The following GNA11 variants were observed in gnomAD, a reference collection of about 807,000 sequenced individuals.
The protein encoded by GNA11 is guanine nucleotide-binding protein subunit alpha-11.
Under a neutral mutation model 38.2 loss-of-function variants are expected in GNA11, and 8 were observed. The observed-to-expected ratio is 0.21, with a 90% CI of 0.12 to 0.38. The LOEUF (loss-of-function observed/expected upper bound fraction) is 0.38, where lower values mean the gene tolerates loss of function less well. Among genes scored for constraint, GNA11 ranks in the 10% least tolerant of loss-of-function variants. The pLI is 1.00. For missense variants in GNA11, 268 were observed against 516.3 expected, an observed-to-expected ratio of 0.52 and a Z score of 4.66; for synonymous variants, 211 against 221.4, an observed-to-expected ratio of 0.95 and a Z score of 0.42.
At chr19:3,105,392 TG>T (rs1202340913) in intron 1 of GNA11, among the ~76,000 whole-genome samples, 1 of 34,568 alleles carries the variant, frequency 2.9e-5, no homozygotes, top group Non-Finnish European at 5.5e-5. Flanking sequence ...TCTGTGGATT[TG>T]GGGGGTTGGG....
chr19:3,113,214 C>A, intron 2 of GNA11, 116 bp from the exon 3 acceptor site: 1 of 936,482 alleles, frequency 1.1e-6, no homozygotes, highest in Non-Finnish European at 1.7e-6. Flanking sequence ...CCTGACTGCA[C>A]AGCCTGCGGA....
At position 3,120,740 on chromosome 19, in the gene GNA11, G is replaced by T. The variant is rs976307072; in HGVS notation, c.890-249G>T. ...AGAGGGCTGAGCAGAGGGAGCAGCG[G>T]TGGGTGCAGAGCCCCAGGTTGGAGG... On this transcript the variant is annotated intron_variant, in intron 6 of 6. Transcript: ENST00000078429. This position sits in a 1 kb window ranked among gnomAD's most constrained non-coding sequence, Gnocchi z 5.9. Among the ~76,000 whole-genome samples the T allele has an allele frequency of 6.6e-6, 1 of 152,156 alleles. No homozygotes were observed. Among genetic ancestry groups the T allele is most frequent in the African/African-American group, 2.4e-5 (1 of 41,432 alleles).
At chr19:3,106,489 AG>A (rs1302331194) in intron 1 of GNA11, among the ~76,000 whole-genome samples, 1 of 152,190 alleles carries the variant, frequency 6.6e-6, no homozygotes, top group Non-Finnish European at 1.5e-5. Context: ...CCAGCACCTC[AG>A]GGCCACCAGA....
intron 3 of GNA11, among the ~76,000 whole-genome samples, chr19:3,114,016 C>T (rs1227955113): frequency 1.3e-5 from 2 of 152,134 alleles, no homozygotes; most frequent in African/African-American, 2.4e-5. Flanking sequence ...GGTGGAGGCC[C>T]CCGCGTGGCA....
chr19:3,105,217 G>A (rs1468684276), intron 1 of GNA11, among the ~76,000 whole-genome samples: 3 of 151,194 alleles, frequency 2.0e-5, no homozygotes, highest in South Asian at 2.1e-4. Flanking sequence ...TTTCATGGCC[G>A]GACCCCTGGC....
chr19:3,111,880 C>G (rs1913783521), intron 2 of GNA11, among the ~76,000 whole-genome samples: 1 of 152,230 alleles, frequency 6.6e-6, no homozygotes, highest in Non-Finnish European at 1.5e-5. Flanking sequence ...AGGGGTAGGG[C>G]TCTTGCCCTT....
At chr19:3,095,753 C>T (rs1913347646) in intron 1 of GNA11, among the ~76,000 whole-genome samples, 1 of 152,002 alleles carries the variant, frequency 6.6e-6, no homozygotes, top group Non-Finnish European at 1.5e-5. Context: ...TCGGCAGCCT[C>T]CCCCGCCCCC....
intron 1 of GNA11, among the ~76,000 whole-genome samples, chr19:3,102,044 C>A (rs142491916): frequency 6.6e-6 from 1 of 151,840 alleles, no homozygotes; most frequent in African/African-American, 2.4e-5. Context: ...TGCAGTGAGC[C>A]GAGATTGCAC....
Position 3,094,604 on chromosome 19 carries a change from C to CCGGGGGG in GNA11, c.-44_-38dup. 1 of 984,960 alleles carries CCGGGGGG rather than the reference C, an allele frequency of 1.0e-6. No individual in the cohort carries two copies. Among genetic ancestry groups the CCGGGGGG allele is most frequent in the Non-Finnish European group, 1.2e-6 (1 of 808,424 alleles). 61.0% of individuals were successfully genotyped at this position (984,960 alleles called of 1,614,324 possible). ...GCTCCGGCCAGGGCCGGGCCGGGGG[C>CCGGGGGG]CGGGGGGCGGCGGCGGGCAGGCGGC... On this transcript the variant is annotated 5_prime_UTR_variant, in exon 1 of 7. Transcript: ENST00000078429. The surrounding 1 kb of genome is among the most constrained non-coding windows in gnomAD (Gnocchi z 6.0).
At chr19:3,105,893 T>C (rs890911346) in intron 1 of GNA11, among the ~76,000 whole-genome samples, 1 of 152,060 alleles carries the variant, frequency 6.6e-6, no homozygotes, top group African/African-American at 2.4e-5. Flanking sequence ...GCAGGTGCCC[T>C]GCAGTGGCCT....
chr19:3,095,988 T>C (rs897547767), intron 1 of GNA11, among the ~76,000 whole-genome samples: 1 of 152,112 alleles, frequency 6.6e-6, no homozygotes, highest in African/African-American at 2.4e-5. Flanking sequence ...GCCCCGCCCC[T>C]GCCCTCCCGA....
rs1162862765 is a variant in GNA11, at chr19:3,120,337, G to A, written c.890-652G>A. 6.6e-6 allele frequency among the ~76,000 whole-genome samples: 1 copy of A among 152,074 alleles called. No individual in the cohort carries two copies. The highest frequency in any genetic ancestry group is 1.5e-5 in the Non-Finnish European group (1 of 67,980). On this transcript the variant is annotated intron_variant, in intron 6 of 6. Coordinates refer to ENST00000078429, the MANE Select transcript of GNA11 (RefSeq NM_002067.5). The surrounding 1 kb of genome is among the most constrained non-coding windows in gnomAD (Gnocchi z 5.9). The stretch of plus-strand genomic sequence containing the variant: ...GCAGCCTGTCCTGTGGGCTCAGAGA[G>A]CCCTGGTGGGGGGAGGCCAAGGGAC...
Position 3,100,815 on chromosome 19 carries a change from C to T in GNA11, c.136+6028C>T, listed in dbSNP as rs73523920. On this transcript the variant is annotated intron_variant, in intron 1 of 6. Coordinates refer to ENST00000078429, the MANE Select transcript of GNA11 (RefSeq NM_002067.5). ...CCATCGGTCACGTGGGAAGGCTGTC[C>T]CTCCCCCTGTAGGATTGTGGAAGGA... is the stretch of plus-strand genomic sequence containing the variant. 7.7e-3 allele frequency among the ~76,000 whole-genome samples: 1,171 copies of T among 152,298 alleles called. 16 individuals carry two copies. Among genetic ancestry groups the T allele is most frequent in the African/African-American group, 0.027 (1,134 of 41,556 alleles).
chr19:3,118,967 A>G lies in GNA11; in HGVS notation c.649A>G (p.Ile217Val), dbSNP rs2145326082. The part of the protein sequence containing the change: ...GGQRSERRKW[I>V]HCFENVTSIM... ...CCAGCGGTCGGAGCGGAGGAAGTGG[A>G]TCCACTGCTTTGAGAACGTGACATC... Residue 217 changes from isoleucine to valine, a missense_variant, in exon 5 of 7, where the codon ATC becomes GTC. Ile to Val is a conservative substitution (Grantham distance 29). This residue lies in a region of GNA11 where 25 missense variants were observed against 95.6 expected (regional missense o/e 0.26). Transcript: ENST00000078429. The G allele has an allele frequency of 1.2e-6, 2 of 1,613,194 alleles. No homozygotes were observed. Among genetic ancestry groups the G allele is most frequent in the Non-Finnish European group, 1.7e-6 (2 of 1,179,286 alleles).
intron 3 of GNA11, among the ~76,000 whole-genome samples, chr19:3,114,193 G>C (rs1913849638): frequency 1.3e-5 from 2 of 152,154 alleles, no homozygotes. Flanking sequence ...AGATAACCAA[G>C]CACTTGGAAC....
Position 3,122,229 on chromosome 19 carries a change from T to G in GNA11, c.*1050T>G. ...GGTGGGTGGGGACTTTTACAGAATA[T>G]TCTCAGGTGTGTACCCGAGAGGCAG... On this transcript the variant is annotated 3_prime_UTR_variant, in exon 7 of 7. Coordinates refer to ENST00000078429, the MANE Select transcript of GNA11 (RefSeq NM_002067.5). This position sits in a 1 kb window ranked among gnomAD's most constrained non-coding sequence, Gnocchi z 7.7. The G allele has an allele frequency of 4.3e-6, 1 of 232,454 alleles. No homozygotes were observed. Among genetic ancestry groups the G allele is most frequent in the Non-Finnish European group, 8.5e-6 (1 of 117,338 alleles). The allele number at this position is 232,454 out of a possible 1,614,324, so 14.4% of individuals were successfully genotyped here.
intron 1 of GNA11, among the ~76,000 whole-genome samples, chr19:3,103,519 CTTTTTTTTTTTTTTTTTTT>C (rs760497682): frequency 4.4e-5 from 2 of 45,800 alleles, no homozygotes; most frequent in African/African-American, 1.6e-4. Flanking sequence ...GGCCTTGAAT[CTTTTTTTTTTTTTTTTTTT>C]TTTTTTTTTT....
rs55702727 is a variant in GNA11 at position 3,113,158 on chromosome 19, G to A, written c.322-172G>A. Among the ~76,000 whole-genome samples the A allele has an allele frequency of 0.052, 7,873 of 152,340 alleles. 249 individuals carry two copies. The highest frequency in any genetic ancestry group is 0.064 in the African/African-American group (2,645 of 41,574). The stretch of plus-strand genomic sequence containing the variant: ...GTTCGGAGGAACCACACCGCCAGGC[G>A]GCCTCGCGTTTTTCTGACACGTGTT... On this transcript the variant is annotated intron_variant, in intron 2 of 6. Coordinates refer to ENST00000078429, the MANE Select transcript of GNA11 (RefSeq NM_002067.5).
At position 3,123,360 on chromosome 19, in the gene GNA11, C is replaced by T. The variant is rs187268903; in HGVS notation, c.*2181C>T. On this transcript the variant is annotated 3_prime_UTR_variant, in exon 7 of 7. Transcript: ENST00000078429. ...TCTGAGTGCCTGATCCCCTGCCCCCCAAAAAAGCAGAGGTAGGTGTTGCAG... is the reference window on the plus strand; with the variant it reads ...TCTGAGTGCCTGATCCCCTGCCCCCTAAAAAAGCAGAGGTAGGTGTTGCAG... The T allele has an allele frequency of 8.6e-6, 2 of 233,414 alleles. No homozygotes were observed. Among genetic ancestry groups the T allele is most frequent in the Admixed American group, 5.6e-5 (1 of 17,796 alleles). The allele number at this position is 233,414 out of a possible 1,614,324, so 14.5% of individuals were successfully genotyped here. A position where few individuals can be genotyped will look rare whatever the true frequency, so the allele number is the denominator to read the frequency against.
Sources: allele counts gnomAD v4.1 joint callset (sites outside exome capture counted in the v4.1 genomes callset), GRCh38; gene constraint gnomAD v4.1.1; regional missense constraint gnomAD v4.1.1; non-coding constraint Gnocchi (gnomAD v3.1); transcripts MANE v1.5; gene names NCBI Gene and HGNC (gene_info 2026-07-23, HGNC 2026-07-21).